The following SBF2 variants were observed in gnomAD, a reference collection of about 807,000 sequenced individuals.
SBF2 encodes myotubularin-related protein 13.
A neutral mutation model predicts 225.2 loss-of-function variants in SBF2; 112 were observed. That is an observed-to-expected ratio of 0.50 (90% CI 0.43 to 0.58). SBF2 has a LOEUF of 0.58. Ranked by LOEUF, SBF2 falls within the 20% of genes least tolerant of loss-of-function variation. The pLI is 0.00. For missense variants in SBF2, 1,996 were observed against 2,206.2 expected, an observed-to-expected ratio of 0.90 and a Z score of 1.91; for synonymous variants, 763 against 773.3, an observed-to-expected ratio of 0.99 and a Z score of 0.22.
At position 9,853,567 on chromosome 11, in the gene SBF2, T is replaced by A. The variant is rs1483458304; in HGVS notation, c.2509A>T (p.Ile837Phe). 6.2e-7 allele frequency: 1 copy of A among 1,613,932 alleles called. No homozygotes were observed. The highest frequency in any genetic ancestry group is 2.2e-5 in the East Asian group (1 of 44,866). The change falls in exon 20 of 40, where the codon ATC becomes TTC. Residue 837 changes from isoleucine (I) to phenylalanine (F), a missense_variant. By Grantham distance (21) the Ile-to-Phe change is conservative (BLOSUM62 0). Coordinates refer to ENST00000256190, the MANE Select transcript of SBF2 (RefSeq NM_030962.4). ...CTESGVTQDH[I>F]KSLHCMIPGI... ...GGTATCATGCAATGAAGGCTCTTGA[T>A]GTGATCCTGAGTAACTCCACTCTCT... is the stretch of plus-strand genomic sequence containing the variant.
intron 17 of SBF2, among the ~76,000 whole-genome samples, chr11:9,860,155 A>C (rs748878002): frequency 2.0e-5 from 3 of 152,140 alleles, no homozygotes; most frequent in Non-Finnish European, 2.9e-5. Flanking sequence ...CTGCATGAAG[A>C]CACTTGGGAC....
intron 32 of SBF2, among the ~76,000 whole-genome samples, chr11:9,805,903 G>C (rs375963770): frequency 1.3e-5 from 2 of 152,214 alleles, no homozygotes; most frequent in African/African-American, 4.8e-5. Context: ...TTACAGGCGT[G>C]AGCCACCACG....
chr11:10,273,343 T>A (rs1298115359), intron 1 of SBF2, among the ~76,000 whole-genome samples: 1 of 152,198 alleles, frequency 6.6e-6, no homozygotes, highest in Non-Finnish European at 1.5e-5. Context: ...AATTACTGTT[T>A]TTTAAAAAAT....
At chr11:10,245,108 T>C (rs1156840476) in intron 1 of SBF2, among the ~76,000 whole-genome samples, 1 of 128,388 alleles carries the variant, frequency 7.8e-6, no homozygotes, top group African/African-American at 3.0e-5. Flanking sequence ...TACTCCAGCA[T>C]GGGCAACGGA....
At chr11:10,271,852 A>AT (rs1962512211) in intron 1 of SBF2, among the ~76,000 whole-genome samples, 1 of 112,118 alleles carries the variant, frequency 8.9e-6, no homozygotes, top group Non-Finnish European at 2.1e-5. Context: ...AGTTATTACT[A>AT]TTTAAAATTC....
chr11:10,057,136 A>G (rs1278237349), intron 2 of SBF2, among the ~76,000 whole-genome samples: 1 of 152,208 alleles, frequency 6.6e-6, no homozygotes, highest in East Asian at 1.9e-4. Flanking sequence ...ATCTGAGGTG[A>G]CTAGAGACTG....
chr11:10,103,742 C>G (rs1392334247), intron 2 of SBF2, among the ~76,000 whole-genome samples: 2 of 152,122 alleles, frequency 1.3e-5, no homozygotes, highest in Non-Finnish European at 1.5e-5. Context: ...CTGATATGTT[C>G]ATGAATATCA....
rs1855182085 is a variant in SBF2, at chr11:9,828,291, T to C, written c.3793+1065A>G. The stretch of plus-strand genomic sequence containing the variant: ...TAACATTACTCAAATGACAAAAAGT[T>C]ATCTTCAGGTGTAGCATGTTTAACT... On this transcript the variant is annotated intron_variant, in intron 28 of 39. Coordinates refer to ENST00000256190, the MANE Select transcript of SBF2 (RefSeq NM_030962.4). 1.2e-5 allele frequency: 15 copies of C among 1,262,780 alleles called. No homozygotes were observed. In the South Asian group the frequency reaches 2.0e-4, roughly 17 times the overall value. 78.2% of individuals were successfully genotyped at this position (1,262,780 alleles called of 1,614,324 possible). A position where few individuals can be genotyped will look rare whatever the true frequency, so the allele number is the denominator to read the frequency against.
intron 1 of SBF2, among the ~76,000 whole-genome samples, chr11:10,205,745 G>A (rs1044704568): frequency 8.6e-5 from 13 of 152,032 alleles, no homozygotes; most frequent in Admixed American, 2.0e-4. Flanking sequence ...GATACCATGT[G>A]AGTAGGCATC....
At chr11:9,960,899 G>T (rs1866525328) in intron 16 of SBF2, 1 of 152,130 alleles carries the variant, frequency 6.6e-6, no homozygotes, top group Non-Finnish European at 1.5e-5. Context: ...TCCTGACCTT[G>T]TAGTCTGCCC....
At chr11:10,178,414 A>C (rs549387311) in intron 2 of SBF2, among the ~76,000 whole-genome samples, 2 of 140,592 alleles carry the variant, frequency 1.4e-5, no homozygotes, top group African/African-American at 5.4e-5. Flanking sequence ...GCAACCTACA[A>C]AATGGGAGAA....
rs564041784 is a variant in SBF2 at position 10,081,370 on chromosome 11, T to C, written c.142-38389A>G. 5.9e-5 allele frequency among the ~76,000 whole-genome samples: 9 copies of C among 151,800 alleles called. 1 individual carries two copies. The South Asian group carries it at 1.2e-3, about 21-fold the overall frequency. ...TAAGGCAGAAATTTACAACAAAAAT[T>C]GAAAAGAATGAAAATGGAGACACAA... is the stretch of plus-strand genomic sequence containing the variant. On this transcript the variant is annotated intron_variant, in intron 2 of 39. Coordinates refer to ENST00000256190, the MANE Select transcript of SBF2 (RefSeq NM_030962.4).
At chr11:9,835,946 T>C (rs1026928931) in intron 26 of SBF2, among the ~76,000 whole-genome samples, 1 of 152,080 alleles carries the variant, frequency 6.6e-6, no homozygotes, top group Non-Finnish European at 1.5e-5. Flanking sequence ...TGGGAGCACA[T>C]ATGTATTTCT....
chr11:10,002,741 G>A (rs1948026302), intron 6 of SBF2, 52 bp from the exon 7 acceptor site: 1 of 1,550,704 alleles, frequency 6.4e-7, no homozygotes, highest in Non-Finnish European at 8.9e-7. Context: ...TATATGTGTT[G>A]TCAACAATCA....
At chr11:9,896,220 G>C (rs961378846) in intron 16 of SBF2, among the ~76,000 whole-genome samples, 9 of 152,140 alleles carry the variant, frequency 5.9e-5, no homozygotes, top group Admixed American at 3.9e-4. Flanking sequence ...AACTGTGTGT[G>C]AAGCACATTC....
chr11:9,952,247 C>CACAAACAA (rs57243169), intron 16 of SBF2, among the ~76,000 whole-genome samples: 4 of 149,418 alleles, frequency 2.7e-5, no homozygotes, highest in African/African-American at 9.9e-5. Flanking sequence ...AAAATAAATA[C>CACAAACAA]ACAAACAAAC....
At chr11:10,051,232 ATG>A (rs1299992709) in intron 2 of SBF2, among the ~76,000 whole-genome samples, 1 of 152,144 alleles carries the variant, frequency 6.6e-6, no homozygotes, top group Non-Finnish European at 1.5e-5. Context: ...TTTAAATTAA[ATG>A]TGTCTCTTTT....
intron 6 of SBF2, among the ~76,000 whole-genome samples, chr11:10,026,648 A>T (rs994839832): frequency 2.6e-5 from 4 of 152,094 alleles, no homozygotes; most frequent in African/African-American, 9.7e-5. Flanking sequence ...TAAGGAGGGA[A>T]GACTGCTTGA....
chr11:9,848,704 A>T (rs956112374), intron 22 of SBF2, among the ~76,000 whole-genome samples: 3 of 152,278 alleles, frequency 2.0e-5, no homozygotes, highest in Admixed American at 1.3e-4. Context: ...TCTTTTAAAA[A>T]TACGTTTACT....
Sources: allele counts gnomAD v4.1 joint callset (sites outside exome capture counted in the v4.1 genomes callset), GRCh38; gene constraint gnomAD v4.1.1; transcripts MANE v1.5; gene names NCBI Gene and HGNC (gene_info 2026-07-23, HGNC 2026-07-21).